RBFOX2: variants seen among roughly 807,000 people sequenced by gnomAD.
The protein encoded by RBFOX2 is RNA binding protein fox-1 homolog 2.
A neutral mutation model predicts 49.1 loss-of-function variants in RBFOX2; 10 were observed. That is an observed-to-expected ratio of 0.20 (90% CI 0.13 to 0.35). RBFOX2 has a LOEUF of 0.35. RBFOX2 is among the 10% of genes least tolerant of loss of function. The pLI, the probability that RBFOX2 is intolerant of heterozygous loss-of-function variation, is 1.00. For missense variants in RBFOX2, 323 were observed against 486.9 expected (o/e 0.66, Z 3.17); for synonymous variants, 183 against 187.4 (o/e 0.98, Z 0.19).
At chr22:35,805,735 A>C (rs1442379479) in intron 2 of RBFOX2, among the ~76,000 whole-genome samples, 3 of 152,202 alleles carry the variant, frequency 2.0e-5, no homozygotes, top group Non-Finnish European at 4.4e-5. Flanking sequence ...GATGCCCTTA[A>C]ATTGGTCAAT....
chr22:36,015,260 T>C (rs1456441592), intron 1 of RBFOX2, among the ~76,000 whole-genome samples: 2 of 152,198 alleles, frequency 1.3e-5, no homozygotes, highest in African/African-American at 4.8e-5. Flanking sequence ...TAAAATCTTA[T>C]GTAAGTATGT....
rs188475485 is a variant in RBFOX2, at chr22:36,027,758, A to C, written c.186+482T>G. ...GCCACATCCCCTCGGGGCTCTCTCG[A>C]GGAGTTTTCTTTTCACTCCTCTCAT... On this transcript the variant is annotated intron_variant, in intron 1 of 13. Transcript: ENST00000438146. 6.5e-3 allele frequency among the ~76,000 whole-genome samples: 995 copies of C among 152,048 alleles called. 8 individuals carry two copies. The highest frequency in any genetic ancestry group is 0.023 in the African/African-American group (960 of 41,458).
intron 1 of RBFOX2, among the ~76,000 whole-genome samples, chr22:35,856,862 T>A (rs564167506): frequency 6.6e-6 from 1 of 151,932 alleles, no homozygotes; most frequent in African/African-American, 2.4e-5. Context: ...GTGAAACCCA[T>A]CTCTACTAAA....
chr22:35,778,300 T>G (rs972372903), intron 3 of RBFOX2, among the ~76,000 whole-genome samples: 2 of 152,238 alleles, frequency 1.3e-5, no homozygotes, highest in African/African-American at 4.8e-5. Flanking sequence ...TTGTCCAAAG[T>G]TATTCACAGT....
intron 1 of RBFOX2, among the ~76,000 whole-genome samples, chr22:35,865,383 C>T (rs573420721): frequency 6.6e-6 from 1 of 152,092 alleles, no homozygotes. Context: ...GCCTATAGCA[C>T]CAATTCCTCA....
intron 1 of RBFOX2, among the ~76,000 whole-genome samples, chr22:35,868,332 C>A (rs1015431803): frequency 6.6e-6 from 1 of 152,064 alleles, no homozygotes; most frequent in Non-Finnish European, 1.5e-5. Flanking sequence ...AAATAAGGAC[C>A]AATACTAATA....
intron 9 of RBFOX2, among the ~76,000 whole-genome samples, chr22:35,758,311 T>C (rs747790527): frequency 8.5e-5 from 13 of 152,220 alleles, no homozygotes; most frequent in Non-Finnish European, 1.8e-4. Context: ...TTGGTCAATA[T>C]ACTGAAACGA....
At chr22:35,886,215 T>C (rs2046561040) in intron 1 of RBFOX2, among the ~76,000 whole-genome samples, 1 of 152,056 alleles carries the variant, frequency 6.6e-6, no homozygotes, top group South Asian at 2.1e-4. Flanking sequence ...ACCTAGAATA[T>C]CCAATTAACT....
chr22:35,903,437 G>T (rs899191286), intron 1 of RBFOX2, among the ~76,000 whole-genome samples: 37 of 151,976 alleles, frequency 2.4e-4, no homozygotes, highest in African/African-American at 8.9e-4. Context: ...CCTCTAAAAG[G>T]CAAGTGTTCC....
At chr22:35,877,345 A>C (rs1255927380) in intron 1 of RBFOX2, among the ~76,000 whole-genome samples, 1 of 152,184 alleles carries the variant, frequency 6.6e-6, no homozygotes, top group Non-Finnish European at 1.5e-5. Flanking sequence ...TATTAGTGTA[A>C]GTAAAGATTA....
At position 35,876,235 on chromosome 22, in the gene RBFOX2, A is replaced by AT. The variant is rs564147854; in HGVS notation, c.-34+62611dup. On this transcript the variant is annotated intron_variant, in intron 1 of 13. Transcript: ENST00000359369. The stretch of plus-strand genomic sequence containing the variant: ...TAAGTAGCATTTTTAAAATTTTTTT[A>AT]TTTTTTTTGAGATGGAGTCTTGCTC... Among the ~76,000 whole-genome samples, 14 of 151,716 alleles carry AT rather than the reference A, an allele frequency of 9.2e-5. No individual in the cohort carries two copies. The East Asian group carries it at 9.6e-4, about 10-fold the overall frequency.
At chr22:35,777,569 G>A (rs1328047709) in intron 4 of RBFOX2, 1 of 158,800 alleles carries the variant, frequency 6.3e-6, no homozygotes, top group Non-Finnish European at 1.4e-5. Flanking sequence ...AAAAGAGACT[G>A]CAAGTTAACT....
rs2059545660 is a variant in RBFOX2 at position 36,028,696 on chromosome 22, C to T, written c.-271G>A. ...ATGAGCACTCGCTCGCGCCCCCGCACGCACACGCGAAACCCGGCCCGGCCC... is the reference window on the plus strand; with the variant it reads ...ATGAGCACTCGCTCGCGCCCCCGCATGCACACGCGAAACCCGGCCCGGCCC... On this transcript the variant is annotated 5_prime_UTR_variant, in exon 1 of 14. The change creates a new upstream start codon in the 5' untranslated region. Coordinates refer to the RBFOX2 transcript ENST00000438146. Among the ~76,000 whole-genome samples the T allele has an allele frequency of 6.6e-6, 1 of 150,892 alleles. No individual in the cohort carries two copies. Among genetic ancestry groups the T allele is most frequent in the African/African-American group, 2.4e-5 (1 of 41,276 alleles).
intron 1 of RBFOX2, among the ~76,000 whole-genome samples, chr22:35,973,887 T>C (rs2057010453): frequency 6.6e-6 from 1 of 152,164 alleles, no homozygotes; most frequent in Non-Finnish European, 1.5e-5. Flanking sequence ...TCCCTAAAAA[T>C]GTATTCTCTT....
chr22:35,928,375 C>A (rs1426206196), intron 1 of RBFOX2, among the ~76,000 whole-genome samples: 1 of 152,048 alleles, frequency 6.6e-6, no homozygotes, highest in Non-Finnish European at 1.5e-5. Flanking sequence ...TGCCATATAC[C>A]TTAGGACATG....
At chr22:36,028,601 CTTG>C (rs2059542642) in exon 1 of RBFOX2, among the ~76,000 whole-genome samples, 1 of 149,242 alleles carries the variant, frequency 6.7e-6, no homozygotes, top group Admixed American at 6.7e-5. Flanking sequence ...GCCGCCGCTC[CTTG>C]CCTGACCGCT....
chr22:35,861,465 C>G (rs1279082639), intron 1 of RBFOX2, among the ~76,000 whole-genome samples: 1 of 151,960 alleles, frequency 6.6e-6, no homozygotes, highest in African/African-American at 2.4e-5. Context: ...AACAAAACAA[C>G]CCACGTTTTT....
chr22:35,884,044 C>T (rs2046273741), intron 1 of RBFOX2, among the ~76,000 whole-genome samples: 1 of 119,126 alleles, frequency 8.4e-6, no homozygotes, highest in Admixed American at 1.2e-4. Context: ...GGGTCTCGCT[C>T]TCTTGCTCAA....
At chr22:35,961,152 TA>T (rs1004773808) in intron 1 of RBFOX2, among the ~76,000 whole-genome samples, 4 of 151,840 alleles carry the variant, frequency 2.6e-5, no homozygotes, top group South Asian at 2.1e-4. Context: ...CCCATCCATA[TA>T]AAAAAAATAC....
Sources: allele counts gnomAD v4.1 joint callset (sites outside exome capture counted in the v4.1 genomes callset), GRCh38; gene constraint gnomAD v4.1.1; transcripts MANE v1.5; gene names NCBI Gene and HGNC (gene_info 2026-07-23, HGNC 2026-07-21).